Variants in CDH12 observed in about 807,000 individuals in gnomAD.
The protein encoded by CDH12 is cadherin-12.
Under a neutral mutation model 74.1 loss-of-function variants are expected in CDH12, and 41 were observed. The ratio of observed to expected loss-of-function variants is 0.55; its 90% CI spans 0.43 to 0.72. The LOEUF is 0.72. Ranked by LOEUF, CDH12 falls within the 30% of genes least tolerant of loss-of-function variation. CDH12 has a pLI of 0.00. For missense variants in CDH12, 945 were observed against 977.2 expected (o/e 0.97, Z 0.44); for synonymous variants, 399 against 355.0 (o/e 1.12, Z -1.39).
intron 1 of CDH12, among the ~76,000 whole-genome samples, chr5:22,765,128 C>T (rs988978279): frequency 2.6e-5 from 4 of 151,888 alleles, no homozygotes; most frequent in Non-Finnish European, 5.9e-5. Flanking sequence ...ACAATGTGCA[C>T]GTTTCAAAAT....
intron 10 of CDH12, among the ~76,000 whole-genome samples, chr5:21,792,598 C>CTTTTTT (rs371352944): frequency 8.2e-6 from 1 of 121,740 alleles, no homozygotes; most frequent in Non-Finnish European, 1.8e-5. Flanking sequence ...TTCCTCTGCC[C>CTTTTTT]TTTTTTTTTT....
chr5:22,785,385 A>C (rs1434286913), intron 1 of CDH12, among the ~76,000 whole-genome samples: 1 of 152,272 alleles, frequency 6.6e-6, no homozygotes, highest in South Asian at 2.1e-4. Flanking sequence ...AATTCTGTGA[A>C]ATCTGAATGT....
intron 1 of CDH12, among the ~76,000 whole-genome samples, chr5:22,752,339 G>A (rs1237406396): frequency 1.3e-5 from 2 of 151,532 alleles, no homozygotes; most frequent in Non-Finnish European, 2.9e-5. Flanking sequence ...TCAATAATTA[G>A]GCTTTCAAAG....
chr5:21,975,357 C>T lies in CDH12; in HGVS notation c.260G>A (p.Gly87Asp). 1 of 1,596,072 alleles carries T rather than the reference C, an allele frequency of 6.3e-7. No homozygotes were observed. Among genetic ancestry groups the T allele is most frequent in the South Asian group, 1.1e-5 (1 of 90,818 alleles). ...TCCTGAGAGGGTGTATTTCACAGTGCCCTCTCCCTTGTCTAAGTCGGAATG... is the reference window on the plus strand; with the variant it reads ...TCCTGAGAGGGTGTATTTCACAGTGTCCTCTCCCTTGTCTAAGTCGGAATG... ...KLHSDLDKGE[G>D]TVKYTLSGDG... The change falls in exon 6 of 15, where the codon GGC becomes GAC. Residue 87 changes from glycine to aspartate, a missense_variant. Physicochemically the swap from Gly to Asp is moderately conservative, Grantham distance 94 (BLOSUM62 -1). Coordinates refer to ENST00000382254, the MANE Select transcript of CDH12 (RefSeq NM_004061.5).
intron 2 of CDH12, among the ~76,000 whole-genome samples, chr5:22,462,915 A>C (rs368090990): frequency 2.8e-4 from 42 of 152,328 alleles, no homozygotes; most frequent in African/African-American, 2.2e-4. Flanking sequence ...AATCATGACT[A>C]AAATCCATGA....
At chr5:22,394,792 C>T (rs1742389265) in intron 3 of CDH12, among the ~76,000 whole-genome samples, 2 of 152,008 alleles carry the variant, frequency 1.3e-5, no homozygotes, top group African/African-American at 4.8e-5. Context: ...GAAATTTTGC[C>T]TCAAGATGAA....
chr5:22,414,184 T>C (rs1011996543), intron 2 of CDH12, among the ~76,000 whole-genome samples: 2 of 151,954 alleles, frequency 1.3e-5, no homozygotes, highest in African/African-American at 4.8e-5. Context: ...TCTGCAAACA[T>C]AACTCTACAT....
intron 1 of CDH12, among the ~76,000 whole-genome samples, chr5:22,519,253 G>A (rs1561463395): frequency 6.6e-6 from 1 of 151,978 alleles, no homozygotes; most frequent in African/African-American, 2.4e-5. Context: ...ATCTATTTAT[G>A]TTTTTTTAAA....
At chr5:22,823,584 T>C (rs1749841225) in intron 1 of CDH12, among the ~76,000 whole-genome samples, 1 of 152,076 alleles carries the variant, frequency 6.6e-6, no homozygotes, top group African/African-American at 2.4e-5. Flanking sequence ...AACATACTAA[T>C]ACAAATCCTG....
intron 1 of CDH12, among the ~76,000 whole-genome samples, chr5:22,826,531 G>C (rs1352592991): frequency 6.6e-6 from 1 of 152,198 alleles, no homozygotes; most frequent in African/African-American, 2.4e-5. Flanking sequence ...GGGCTCAGAA[G>C]AAGACAGGAA....
At chr5:22,750,459 T>G (rs1451419756) in intron 1 of CDH12, among the ~76,000 whole-genome samples, 2 of 152,060 alleles carry the variant, frequency 1.3e-5, no homozygotes, top group African/African-American at 2.4e-5. Context: ...ATGGCAGTAG[T>G]CCAAGTAGGA....
intron 6 of CDH12, among the ~76,000 whole-genome samples, chr5:21,858,359 C>G (rs998386123): frequency 2.6e-5 from 4 of 151,880 alleles, no homozygotes; most frequent in African/African-American, 4.8e-5. Flanking sequence ...ACTTATTAAA[C>G]AGGCATACAT....
At chr5:21,965,935 G>A (rs1477947796) in intron 6 of CDH12, among the ~76,000 whole-genome samples, 1 of 151,896 alleles carries the variant, frequency 6.6e-6, no homozygotes, top group Non-Finnish European at 1.5e-5. Context: ...AATAATTTTT[G>A]CAGAGAAATT....
At chr5:22,479,104 A>G (rs960719863) in intron 2 of CDH12, among the ~76,000 whole-genome samples, 2 of 152,214 alleles carry the variant, frequency 1.3e-5, no homozygotes, top group Admixed American at 1.3e-4. Flanking sequence ...ATCAGGGCCT[A>G]CAGCAGCAGG....
chr5:22,060,170 G>A (rs2150204900), intron 5 of CDH12, among the ~76,000 whole-genome samples: 1 of 152,186 alleles, frequency 6.6e-6, no homozygotes, highest in East Asian at 1.9e-4. Context: ...CCTTTGCAGG[G>A]ACATGGATGA....
chr5:21,834,525 A>G (rs1368330412), intron 8 of CDH12, among the ~76,000 whole-genome samples: 1 of 151,952 alleles, frequency 6.6e-6, no homozygotes, highest in Non-Finnish European at 1.5e-5. Flanking sequence ...AATGCTAGCA[A>G]AGTGTTAACT....
At chr5:21,981,308 T>A (rs1757295255) in intron 5 of CDH12, among the ~76,000 whole-genome samples, 1 of 152,088 alleles carries the variant, frequency 6.6e-6, no homozygotes, top group African/African-American at 2.4e-5. Context: ...ATTATGAAAT[T>A]TTCAAATTCA....
Position 22,123,902 on chromosome 5 carries a change from A to G in CDH12, c.-186-45040T>C, listed in dbSNP as rs151124625. Among the ~76,000 whole-genome samples the G allele has an allele frequency of 7.3e-3, 1,107 of 152,126 alleles. 28 individuals are homozygous for G. The highest frequency in any genetic ancestry group is 0.025 in the African/African-American group (1,055 of 41,554). ...GTGTAGCATTTAAACAATAAGGTACATTATTTCGTTTCCTTGAGTTTTTTA... is the reference window on the plus strand; with the variant it reads ...GTGTAGCATTTAAACAATAAGGTACGTTATTTCGTTTCCTTGAGTTTTTTA... On this transcript the variant is annotated intron_variant, in intron 4 of 14. Coordinates refer to ENST00000382254, the MANE Select transcript of CDH12 (RefSeq NM_004061.5).
At chr5:22,651,784 G>T (rs565876564) in intron 1 of CDH12, among the ~76,000 whole-genome samples, 1 of 151,470 alleles carries the variant, frequency 6.6e-6, no homozygotes, top group East Asian at 2.0e-4. Flanking sequence ...TGAATAAAAA[G>T]CCAATGAATT....
Sources: gnomAD v4.1 joint callset for allele counts (sites outside exome capture counted in the v4.1 genomes callset) on GRCh38, gnomAD v4.1.1 for gene constraint, MANE v1.5 for transcripts, NCBI Gene and HGNC (gene_info 2026-07-23, HGNC 2026-07-21) for gene names.